Variants in RGPD1 observed in about 807,000 individuals in gnomAD.
RGPD1 encodes the protein RANBP2-like and GRIP domain-containing protein 1.
RGPD1 carries 7 observed loss-of-function variants against 40.6 expected under a neutral mutation model. The ratio of observed to expected loss-of-function variants is 0.17; its 90% confidence interval spans 0.10 to 0.32. RGPD1 has a LOEUF of 0.32. RGPD1 is among the 10% of genes least tolerant of loss of function. RGPD1 has a pLI of 1.00. For missense variants in RGPD1, 50 were observed against 472.5 expected (o/e 0.11, Z 8.29); for synonymous variants, 24 against 167.0 (o/e 0.14, Z 6.60).
chr2:86,988,397 G>A (rs372584617), intron 20 of RGPD1, among the ~76,000 whole-genome samples: 45 of 94,118 alleles, frequency 4.8e-4, no homozygotes, highest in South Asian at 1.3e-3. Context: ...GTGAGCTGAA[G>A]TCATGCCACT....
chr2:86,942,332 A>G lies in RGPD1; in HGVS notation c.72+24A>G, dbSNP rs560471140. On this transcript the variant is annotated intron_variant, in intron 1 of 22. Transcript: ENST00000641458. ...AGGTGAGTGGATCTCGAAGAGACCG[A>G]CGGCCTCGACCTGGCCGGGCGGCGG... 3.9e-5 allele frequency: 54 copies of G among 1,391,506 alleles called. 1 individual carries two copies. In the East Asian group the frequency reaches 8.4e-4, roughly 22 times the overall value. 86.2% of individuals were successfully genotyped at this position (1,391,506 alleles called of 1,614,324 possible).
In RGPD1 at chr2:86,943,722, G is replaced by C. The variant is rs149069635; in HGVS notation, c.72+1414G>C. The stretch of plus-strand genomic sequence containing the variant: ...ACTGTTTTTATTGTTGATGTTAAAA[G>C]GATATTGGCGGGGCGCAGTGGCTCA... On this transcript the variant is annotated intron_variant, in intron 1 of 22. Coordinates refer to ENST00000641458, the MANE Select transcript of RGPD1 (RefSeq NM_001382344.1). 2.9e-3 allele frequency among the ~76,000 whole-genome samples: 439 copies of C among 152,272 alleles called. 3 individuals are homozygous for C. The highest frequency in any genetic ancestry group is 0.01 in the African/African-American group (423 of 41,558).
chr2:86,913,980 G>C (rs1334507977), intron 1 of RGPD1: 5 of 1,045,300 alleles, frequency 4.8e-6, no homozygotes, highest in East Asian at 7.1e-5. Flanking sequence ...GCCTCGACCT[G>C]GCCGGGCGGC....
chr2:86,928,370 G>A (rs1678656952), intron 1 of RGPD1, among the ~76,000 whole-genome samples: 1 of 152,282 alleles, frequency 6.6e-6, no homozygotes, highest in East Asian at 1.9e-4. Context: ...AGGGGTAATA[G>A]GCAATTGTAT....
intron 1 of RGPD1, chr2:86,914,030 C>CGGCCTCGGCCTCGGCCCCGGCCTGGCCG (rs1677587732): frequency 1.9e-5 from 1 of 51,330 alleles, no homozygotes; most frequent in Non-Finnish European, 3.4e-5. Flanking sequence ...GCGGCGGCGG[C>CGGCCTCGGCCTCGGCCCCGGCCTGGCCG]GGCGGCGGCG....
rs865958172 is a variant in RGPD1, at chr2:86,914,240, G to A, written c.72+319G>A. 2.1e-3 allele frequency among the ~76,000 whole-genome samples: 180 copies of A among 86,258 alleles called. 1 individual carries two copies. The highest frequency in any genetic ancestry group is 0.014 in the East Asian group (45 of 3,164). The allele number at this position is 86,258 out of a possible 152,430, so 56.6% of individuals were successfully genotyped here. ...GGCGGCGGCCTCGGCCTGGCCGGGC[G>A]GCGGCGGCGGCGGCGGCCTCGGCCT... is the stretch of plus-strand genomic sequence containing the variant. On this transcript the variant is annotated intron_variant, in intron 1 of 22. Transcript: ENST00000398193.
intron 1 of RGPD1, among the ~76,000 whole-genome samples, chr2:86,933,144 A>T (rs1165798754): frequency 6.7e-6 from 1 of 149,620 alleles, no homozygotes; most frequent in Non-Finnish European, 1.5e-5. Context: ...CACATATATA[A>T]TATCTGGAGC....
upstream of RGPD1, among the ~76,000 whole-genome samples, chr2:86,941,321 G>C (rs1679729030): frequency 6.7e-6 from 1 of 148,326 alleles, no homozygotes; most frequent in African/African-American, 2.5e-5. Flanking sequence ...CATTATTACT[G>C]TTAAATTTTG....
chr2:86,938,366 T>C (rs1679477054), upstream of RGPD1, among the ~76,000 whole-genome samples: 1 of 118,140 alleles, frequency 8.5e-6, no homozygotes, highest in African/African-American at 4.2e-5. Context: ...CAAAAACTCA[T>C]GTCAGGTGGT....
At chr2:86,922,980 G>A (rs1237503613) in intron 1 of RGPD1, among the ~76,000 whole-genome samples, 1 of 109,802 alleles carries the variant, frequency 9.1e-6, no homozygotes, top group Non-Finnish European at 1.8e-5. Flanking sequence ...CCTTTTTTAT[G>A]CAGTGTTTTT....
chr2:86,941,408 A>C (rs1276635484), upstream of RGPD1, among the ~76,000 whole-genome samples: 90 of 149,396 alleles, frequency 6.0e-4, no homozygotes, highest in African/African-American at 2.0e-3. Context: ...TTTTTTTGAG[A>C]CAAGTGTCTC....
At chr2:86,931,776 G>A (rs1450592001) in intron 1 of RGPD1, among the ~76,000 whole-genome samples, 1 of 149,638 alleles carries the variant, frequency 6.7e-6, no homozygotes, top group African/African-American at 2.4e-5. Context: ...CATAAAAATC[G>A]ATCACAGTCT....
In RGPD1 at chr2:86,914,040, GGC is replaced by G. The variant is rs1558778665; in HGVS notation, c.72+121_72+122del. The G allele has an allele frequency of 4.2e-4, 24 of 57,476 alleles. 3 individuals are homozygous for G. Among genetic ancestry groups the G allele is most frequent in the Non-Finnish European group, 6.0e-4 (17 of 28,354 alleles). The allele number at this position is 57,476 out of a possible 1,614,324, so 3.6% of individuals were successfully genotyped here. A position where few individuals can be genotyped will look rare whatever the true frequency, so the allele number is the denominator to read the frequency against. ...GCCGGGCGGCGGCGGCGGCGGCGGC[GGC>G]GGCGGCGGCGGCGGCCTCGGCCTCG... On this transcript the variant is annotated intron_variant, in intron 1 of 22. Transcript: ENST00000398193.
In RGPD1 at chr2:86,960,148, C is replaced by T. The variant is rs1240232019; in HGVS notation, c.779+1721C>T. Among the ~76,000 whole-genome samples the T allele has an allele frequency of 5.8e-5, 6 of 102,912 alleles. 2 individuals are homozygous for T. Among genetic ancestry groups the T allele is most frequent in the African/African-American group, 2.8e-4 (6 of 21,280 alleles). The allele number at this position is 102,912 out of a possible 152,430, so 67.5% of individuals were successfully genotyped here. A position where few individuals can be genotyped will look rare whatever the true frequency, so the allele number is the denominator to read the frequency against. ...GGAGTCACTCAGGGGAGAATCCGGA[C>T]CATGAGGGGGTGACTGGGGGCCTGA... On this transcript the variant is annotated intron_variant, in intron 6 of 22. Transcript: ENST00000641458.
chr2:86,941,574 C>T (rs546277538), upstream of RGPD1, among the ~76,000 whole-genome samples: 325 of 151,372 alleles, frequency 2.1e-3, 2 homozygotes, highest in Admixed American at 4.1e-3. Flanking sequence ...ACAGTTGACC[C>T]TTGAATAACA....
intron 6 of RGPD1, among the ~76,000 whole-genome samples, chr2:86,962,568 T>A (rs1383508996): frequency 1.8e-5 from 2 of 112,770 alleles, no homozygotes; most frequent in Non-Finnish European, 1.8e-5. Flanking sequence ...ATCTATATAG[T>A]AAAAAGAGCA....
intron 1 of RGPD1, chr2:86,930,862 T>G: frequency 1.5e-6 from 1 of 659,438 alleles, no homozygotes; most frequent in Non-Finnish European, 2.5e-6. Flanking sequence ...CCATCTTCGC[T>G]GAGGCCACCA....
chr2:86,942,806 G>A (rs973554089), intron 1 of RGPD1, among the ~76,000 whole-genome samples: 5 of 151,864 alleles, frequency 3.3e-5, no homozygotes, highest in African/African-American at 4.8e-5. Context: ...GCAGTCCTGT[G>A]GGCGGCGTGG....
At chr2:86,962,548 C>G (rs1239805692) in intron 6 of RGPD1, among the ~76,000 whole-genome samples, 1 of 112,506 alleles carries the variant, frequency 8.9e-6, no homozygotes, top group Non-Finnish European at 1.8e-5. Flanking sequence ...ATTTATTTAA[C>G]GCTGTAATGA....
Sources: gnomAD v4.1 joint callset for allele counts (sites outside exome capture counted in the v4.1 genomes callset) on GRCh38, gnomAD v4.1.1 for gene constraint, MANE v1.5 for transcripts, NCBI Gene and HGNC (gene_info 2026-07-23, HGNC 2026-07-21) for gene names.